Variants in EIF3A observed in about 807,000 individuals in gnomAD.
EIF3A encodes eukaryotic translation initiation factor 3 subunit A.
Under a neutral mutation model 186.6 loss-of-function variants are expected in EIF3A, and 21 were observed. The ratio of observed to expected loss-of-function variants is 0.11; its 90% CI spans 0.08 to 0.16. The LOEUF is 0.16. Ranked by LOEUF, EIF3A falls within the 10% of genes least tolerant of loss-of-function variation. EIF3A has a pLI of 1.00. For synonymous variants in EIF3A, 563 were observed against 584.3 expected, an observed-to-expected ratio of 0.96 and a Z score of 0.52; for missense variants, 1,306 against 1,796.3, an observed-to-expected ratio of 0.73 and a Z score of 4.93.
chr10:119,037,885 C>T (rs1848154633), intron 20 of EIF3A, among the ~76,000 whole-genome samples: 1 of 148,874 alleles, frequency 6.7e-6, no homozygotes. Context: ...TTTGGGCCTC[C>T]ATTTTCTTAC....
At chr10:119,058,437 T>A (rs935856758) in intron 11 of EIF3A, 134 bp from the exon 12 acceptor site, 7 of 674,064 alleles carry the variant, frequency 1.0e-5, no homozygotes, top group Non-Finnish European at 1.7e-5. Context: ...GATGACACTA[T>A]CCAAGCTGTT....
intron 11 of EIF3A, 122 bp downstream of exon 11, chr10:119,059,090 T>C (rs984498741): frequency 1.1e-5 from 9 of 785,414 alleles, no homozygotes; most frequent in African/African-American, 3.5e-5. Context: ...TACAATTCTA[T>C]AGGAAACATA....
chr10:119,064,325 C>T (rs1001752027), intron 7 of EIF3A, among the ~76,000 whole-genome samples: 27 of 152,246 alleles, frequency 1.8e-4, no homozygotes, highest in Admixed American at 1.7e-3. Context: ...ACCTTCTCCC[C>T]TAGTGATGTG....
intron 6 of EIF3A, among the ~76,000 whole-genome samples, chr10:119,068,077 G>A (rs1419713899): frequency 7.9e-5 from 12 of 152,092 alleles, no homozygotes; most frequent in African/African-American, 1.9e-4. Context: ...TCCCGAAACT[G>A]CTGGGATTAC....
rs753067805 is a variant in EIF3A at position 119,036,283 on chromosome 10, TA to T, written c.3920-16del. The stretch of plus-strand genomic sequence containing the variant: ...CCAAGAACTTACTAAAAAGTTTAAT[TA>T]AAAAAAAAAAATTAAGTTAGTACTA... On this transcript the variant is annotated splice_polypyrimidine_tract_variant and intron_variant, in intron 21 of 21. Transcript: ENST00000369144. 41,521 of 1,113,862 alleles carry T rather than the reference TA, an allele frequency of 0.037. No individual in the cohort carries two copies. Among genetic ancestry groups the T allele is most frequent in the South Asian group, 0.042 (2,233 of 53,208 alleles). The allele number at this position is 1,113,862 out of a possible 1,614,324, so 69.0% of individuals were successfully genotyped here.
intron 9 of EIF3A, 118 bp downstream of exon 9, chr10:119,060,628 T>C (rs756208962): frequency 2.3e-5 from 14 of 615,176 alleles, no homozygotes; most frequent in Non-Finnish European, 3.3e-5. Flanking sequence ...GACTAATTTT[T>C]GCCAGGGGCA....
At chr10:119,043,656 A>G (rs143283795) in intron 18 of EIF3A, among the ~76,000 whole-genome samples, 2,377 of 152,084 alleles carry the variant, frequency 0.016, 37 homozygotes, top group Non-Finnish European at 0.025. Flanking sequence ...GCAGTGGCTC[A>G]TGCCTGTCAT....
chr10:119,042,361 A>G lies in EIF3A; in HGVS notation c.3159T>C (p.Ala1053=), dbSNP rs754343390. ...DDDRGPRRGG[A]DDERSSWRNA... ...TACGCCAGGATGATCGCTCATCATC[A>G]GCGCCTCCTCGCCTCGGCCCCCGGT... The change falls in exon 19 of 22, where the codon GCT becomes GCC. Residue 1053 remains alanine (A), a synonymous_variant. Coordinates refer to ENST00000369144, the MANE Select transcript of EIF3A (RefSeq NM_003750.4). The surrounding 1 kb of genome is among the most constrained non-coding windows in gnomAD (Gnocchi z 7.8). 1.9e-6 allele frequency: 3 copies of G among 1,613,560 alleles called. No homozygotes were observed. The East Asian group carries it at 6.7e-5, about 36-fold the overall frequency.
At position 119,060,752 on chromosome 10, in the gene EIF3A, C is replaced by T; in HGVS notation, c.1320G>A (p.Leu440=). The part of the protein sequence containing the change: ...QLQNNTILRL[L]QQVSQIYQSI... ...TTTATTTTTTTATTTTTACCTGCTG[C>T]AGAAGGCGGAGGATGGTGTTGTTTT... Residue 440 remains leucine, a synonymous_variant, in exon 9 of 22, where the codon CTG becomes CTA. Transcript: ENST00000369144. 1 of 1,596,834 alleles carries T rather than the reference C, an allele frequency of 6.3e-7. No individual in the cohort carries two copies. Among genetic ancestry groups the T allele is most frequent in the Admixed American group, 1.8e-5 (1 of 55,914 alleles).
In EIF3A at chr10:119,042,916, G is replaced by T; in HGVS notation, c.2748-144C>A. On this transcript the variant is annotated intron_variant, in intron 18 of 21. Coordinates refer to ENST00000369144, the MANE Select transcript of EIF3A (RefSeq NM_003750.4). This position sits in a 1 kb window ranked among gnomAD's most constrained non-coding sequence, Gnocchi z 7.8. Reference sequence around the variant, plus strand: ...ACCTTTAATCCCAGCACTCTGGGAAGCAGAGGCAGGCAGATCACCTGAGGT... The same window carrying T: ...ACCTTTAATCCCAGCACTCTGGGAATCAGAGGCAGGCAGATCACCTGAGGT... 1 of 822,066 alleles carries T rather than the reference G, an allele frequency of 1.2e-6. No individual in the cohort carries two copies. Among genetic ancestry groups the T allele is most frequent in the Non-Finnish European group, 1.8e-6 (1 of 548,992 alleles). The allele number at this position is 822,066 out of a possible 1,614,324, so 50.9% of individuals were successfully genotyped here.
At chr10:119,038,068 C>T in intron 20 of EIF3A, 170 bp downstream of exon 20, 1 of 609,240 alleles carries the variant, frequency 1.6e-6, no homozygotes, top group Admixed American at 2.6e-5. Flanking sequence ...AGGCATGCGC[C>T]ACCACGCCCG....
intron 4 of EIF3A, 43 bp downstream of exon 4, chr10:119,072,847 C>A: frequency 6.4e-7 from 1 of 1,566,026 alleles, no homozygotes; most frequent in South Asian, 1.2e-5. Context: ...ACTCCTCAGT[C>A]AATTTCAAAG....
chr10:119,049,135 G>A (rs1848321174), intron 17 of EIF3A, among the ~76,000 whole-genome samples: 1 of 152,042 alleles, frequency 6.6e-6, no homozygotes, highest in Admixed American at 6.6e-5. Context: ...GGTGCCTTCT[G>A]TTCTTTGGGA....
chr10:119,072,613 C>T (rs1284410962), intron 4 of EIF3A, among the ~76,000 whole-genome samples: 1 of 152,074 alleles, frequency 6.6e-6, no homozygotes, highest in African/African-American at 2.4e-5. Context: ...CCACCACGCC[C>T]GGCTAAATTT....
At position 119,042,292 on chromosome 10, in the gene EIF3A, A is replaced by G. The variant is rs141834480; in HGVS notation, c.3228T>C (p.Asp1076=). 2.7e-4 allele frequency: 428 copies of G among 1,601,168 alleles called. 4 individuals are homozygous for G. In the East Asian group the frequency reaches 8.8e-3, roughly 33 times the overall value. ...CATCCATGCCTCGCCTGGGACCCCG[A>G]TCATCATCCAACCCTCGCCTGGGAC... is the stretch of plus-strand genomic sequence containing the variant. ...DRGPRRGLDD[D]RGPRRGMDDD... is the part of the protein sequence containing the mutation. The change falls in exon 19 of 22, where the codon GAT becomes GAC. Residue 1076 remains aspartate (D), a synonymous_variant. Transcript: ENST00000369144. This position sits in a 1 kb window ranked among gnomAD's most constrained non-coding sequence, Gnocchi z 7.8.
chr10:119,080,494 C>A, intron 1 of EIF3A, 134 bp downstream of exon 1: 2 of 1,397,626 alleles, frequency 1.4e-6, no homozygotes, highest in Non-Finnish European at 1.8e-6. Context: ...CCGGCTGGGA[C>A]AGCGGCGGGC....
In EIF3A at chr10:119,036,085, G is replaced by A; in HGVS notation, c.4103C>T (p.Thr1368Ile). The change falls in exon 22 of 22, where the codon ACT (threonine) becomes ATT (isoleucine). Residue 1368 changes from threonine (T) to isoleucine (I), a missense_variant. Transcript: ENST00000369144. Reference sequence around the variant, plus strand: ...TCCATCTTCATCAGTCTCATTTTTAGTACGACGGAGAGATTCCCTATCTTT... The same window carrying A: ...TCCATCTTCATCAGTCTCATTTTTAATACGACGGAGAGATTCCCTATCTTT... The part of the protein sequence containing the change: ...AEKDRESLRR[T>I]KNETDEDGWT... The A allele has an allele frequency of 6.2e-7, 1 of 1,613,998 alleles. No individual in the cohort carries two copies.
chr10:119,040,887 T>C (rs1848199346), intron 19 of EIF3A, among the ~76,000 whole-genome samples: 1 of 151,168 alleles, frequency 6.6e-6, no homozygotes, highest in South Asian at 2.1e-4. Flanking sequence ...GCACCTGTTG[T>C]CCCAGCTACT....
chr10:119,037,319 T>A lies in EIF3A; in HGVS notation c.3729-10A>T, dbSNP rs1422514869. The A allele has an allele frequency of 3.7e-6, 6 of 1,613,058 alleles. No individual in the cohort carries two copies. The highest frequency in any genetic ancestry group is 5.1e-6 in the Non-Finnish European group (6 of 1,179,196). ...CCAGCCACCTTCATCCCTGTAGCCA[T>A]TTACAATGACAGGTCAGGTTCTTAC... On this transcript the variant is annotated splice_polypyrimidine_tract_variant and intron_variant, in intron 20 of 21. Coordinates refer to ENST00000369144, the MANE Select transcript of EIF3A (RefSeq NM_003750.4).
Sources: gnomAD v4.1 joint callset for allele counts (sites outside exome capture counted in the v4.1 genomes callset) on GRCh38, gnomAD v4.1.1 for gene constraint, Gnocchi (gnomAD v3.1) non-coding constraint, MANE v1.5 for transcripts, NCBI Gene and HGNC (gene_info 2026-07-23, HGNC 2026-07-21) for gene names.